The following MAP3K15 variants were observed in gnomAD, a reference collection of about 807,000 sequenced individuals.
The protein encoded by MAP3K15 is mitogen-activated protein kinase kinase kinase 15, also known as MAPK/ERK kinase kinase 15.
A neutral mutation model predicts 99.5 loss-of-function variants in MAP3K15; 124 were observed. That is an observed-to-expected ratio of 1.25 (90% CI 1.08 to 1.45). The LOEUF (loss-of-function observed/expected upper bound fraction) is 1.45, where lower values mean the gene tolerates loss of function less well. Ranked by LOEUF, MAP3K15 falls within the 40% of genes most tolerant of loss-of-function variation. The probability of loss-of-function intolerance (pLI) is 0.00; values close to 1 mark genes in which losing one functional copy is unlikely to be tolerated. For synonymous variants in MAP3K15, 494 were observed against 439.6 expected, an observed-to-expected ratio of 1.12 and a Z score of -1.55; for missense variants, 1,242 against 1,079.7, an observed-to-expected ratio of 1.15 and a Z score of -2.11.
chrX:19,398,495 A>T, intron 14 of MAP3K15, 136 bp from the exon 15 acceptor site: 1 of 617,692 alleles, frequency 1.6e-6, no homozygotes, highest in Non-Finnish European at 2.4e-6. Flanking sequence ...CACAGTGCTT[A>T]GCTTAGGCCC....
At chrX:19,401,785 C>T (rs761519816) in intron 13 of MAP3K15, among the ~76,000 whole-genome samples, 68 of 112,258 alleles carry the variant, frequency 6.1e-4, no homozygotes, top group African/African-American at 2.1e-3. Flanking sequence ...GTCATCTTGA[C>T]TCATTAGAAC....
At chrX:19,483,023 C>T (rs1282791644) in intron 3 of MAP3K15, among the ~76,000 whole-genome samples, 3 of 108,911 alleles carry the variant, frequency 2.8e-5, no homozygotes, top group Admixed American at 9.9e-5. Flanking sequence ...CCAACGCGGG[C>T]GGATCATCTG....
intron 25 of MAP3K15, among the ~76,000 whole-genome samples, chrX:19,364,835 G>C (rs913101442): frequency 9.6e-6 from 1 of 103,844 alleles, no homozygotes; most frequent in African/African-American, 3.8e-5. Flanking sequence ...AGAGGTTGCG[G>C]TGAGCCAAGA....
chrX:19,431,355 A>G (rs1486562629), intron 7 of MAP3K15, 83 bp downstream of exon 7: 7 of 926,173 alleles, frequency 7.6e-6, no homozygotes, highest in Non-Finnish European at 1.0e-5. Flanking sequence ...ACATATACAT[A>G]AGGAAGAGAT....
At chrX:19,489,610 G>T (rs761789646) in intron 1 of MAP3K15, among the ~76,000 whole-genome samples, 19 of 111,144 alleles carry the variant, frequency 1.7e-4, no homozygotes, top group African/African-American at 5.6e-4. Context: ...ACTCCGGGGA[G>T]CTGCTTTCCC....
chrX:19,392,862 C>CTCAGTCAT (rs771255186), intron 16 of MAP3K15, among the ~76,000 whole-genome samples: 47 of 110,701 alleles, frequency 4.2e-4, no homozygotes, highest in African/African-American at 1.2e-3. Flanking sequence ...GCAGGTCTGT[C>CTCAGTCAT]TCAGTCATTC....
intron 18 of MAP3K15, among the ~76,000 whole-genome samples, chrX:19,388,736 C>T (rs1175916245): frequency 8.9e-6 from 1 of 111,959 alleles, no homozygotes; most frequent in Non-Finnish European, 1.9e-5. Flanking sequence ...TTTGAACCAA[C>T]GATGTTTGCA....
Position 19,482,470 on chromosome X carries a change from A to C in MAP3K15, c.525+4012T>G, listed in dbSNP as rs185334787. Among the ~76,000 whole-genome samples, 53 of 112,365 alleles carry C rather than the reference A, an allele frequency of 4.7e-4. No individual in the cohort carries two copies. The Middle Eastern group carries it at 0.014, about 30-fold the overall frequency. ...TGCATTAAGGATGATCTTCGAAAACATCATCCTAAGTGATAGAAGCCAGAT... is the reference window on the plus strand; with the variant it reads ...TGCATTAAGGATGATCTTCGAAAACCTCATCCTAAGTGATAGAAGCCAGAT... On this transcript the variant is annotated intron_variant, in intron 3 of 28. Transcript: ENST00000338883.
intron 4 of MAP3K15, among the ~76,000 whole-genome samples, chrX:19,462,652 G>A (rs1036316952): frequency 1.8e-5 from 2 of 111,996 alleles, no homozygotes; most frequent in African/African-American, 6.5e-5. Context: ...TATGTAATAA[G>A]CATGCAGCCA....
At chrX:19,471,523 A>G (rs2064207635) in intron 3 of MAP3K15, among the ~76,000 whole-genome samples, 2 of 111,067 alleles carry the variant, frequency 1.8e-5, no homozygotes, top group African/African-American at 3.3e-5. Flanking sequence ...CGGTCTCCCA[A>G]AGTGCTGGGA....
chrX:19,404,991 G>A (rs773447331), intron 13 of MAP3K15, among the ~76,000 whole-genome samples: 43 of 111,212 alleles, frequency 3.9e-4, no homozygotes, highest in African/African-American at 1.3e-3. Context: ...AGGCACAAAT[G>A]ACAAAAGAAA....
chrX:19,420,498 A>C (rs1293814302), intron 9 of MAP3K15, among the ~76,000 whole-genome samples: 1 of 111,561 alleles, frequency 9.0e-6, no homozygotes, highest in African/African-American at 3.3e-5. Context: ...AAGAAGTTGA[A>C]TCTCTGAATA....
chrX:19,363,131 C>A (rs186427844), intron 25 of MAP3K15, among the ~76,000 whole-genome samples: 32 of 111,798 alleles, frequency 2.9e-4, no homozygotes, highest in African/African-American at 9.1e-4. Flanking sequence ...CAATGTGTGC[C>A]CCTCACCCGG....
chrX:19,416,280 G>C (rs1312081987), intron 9 of MAP3K15, among the ~76,000 whole-genome samples: 1 of 110,723 alleles, frequency 9.0e-6, no homozygotes, highest in Admixed American at 9.6e-5. Flanking sequence ...GCAGTGAGCT[G>C]AGATTGTGCC....
chrX:19,383,682 A>G (rs2063475274), intron 18 of MAP3K15, among the ~76,000 whole-genome samples: 1 of 112,535 alleles, frequency 8.9e-6, no homozygotes, highest in Non-Finnish European at 1.9e-5. Context: ...ACATCTGAAT[A>G]GACATTTCTC....
chrX:19,375,244 G>A (rs1026887067), intron 19 of MAP3K15, among the ~76,000 whole-genome samples: 2 of 112,095 alleles, frequency 1.8e-5, no homozygotes, highest in South Asian at 3.7e-4. Context: ...AGCCTAGGGC[G>A]GCATGTCCTC....
intron 7 of MAP3K15, among the ~76,000 whole-genome samples, chrX:19,427,123 G>A (rs2063839024): frequency 9.3e-6 from 1 of 107,825 alleles, no homozygotes; most frequent in Non-Finnish European, 1.9e-5. Flanking sequence ...ACAGGTTTGT[G>A]CCATCATGCA....
intron 6 of MAP3K15, among the ~76,000 whole-genome samples, chrX:19,441,907 G>A (rs1412139347): frequency 8.9e-6 from 1 of 111,979 alleles, no homozygotes; most frequent in African/African-American, 3.2e-5. Context: ...AGAGCCTCAA[G>A]ATGTAAGGAG....
chrX:19,402,314 T>C (rs1271305492), intron 13 of MAP3K15, among the ~76,000 whole-genome samples: 1 of 110,095 alleles, frequency 9.1e-6, no homozygotes, highest in Admixed American at 9.8e-5. Context: ...AAATAAAAGA[T>C]GATATCAACT....
Sources: gnomAD v4.1 joint callset for allele counts (sites outside exome capture counted in the v4.1 genomes callset) on GRCh38, gnomAD v4.1.1 for gene constraint, MANE v1.5 for transcripts, NCBI Gene and HGNC (gene_info 2026-07-23, HGNC 2026-07-21) for gene names.